The following CCDC7 variants were observed in gnomAD, a reference collection of about 807,000 sequenced individuals.
The protein encoded by CCDC7 is coiled-coil domain-containing protein 7.
Under a neutral mutation model 196.9 loss-of-function variants are expected in CCDC7, and 183 were observed. The observed-to-expected ratio is 0.93, with a 90% confidence interval of 0.82 to 1.05. The LOEUF (loss-of-function observed/expected upper bound fraction) is 1.05, where lower values mean the gene tolerates loss of function less well. Ranked by LOEUF, CCDC7 falls within the 50% of genes least tolerant of loss-of-function variation. The pLI, the probability that CCDC7 is intolerant of heterozygous loss-of-function variation, is 0.00. For missense variants in CCDC7, 1,540 were observed against 1,482.2 expected, an observed-to-expected ratio of 1.04 and a Z score of -0.64; for synonymous variants, 525 against 484.6, an observed-to-expected ratio of 1.08 and a Z score of -1.10.
intron 2 of CCDC7, 64 bp downstream of exon 3, chr10:32,453,500 A>C (rs2033620540): frequency 9.0e-7 from 1 of 1,109,822 alleles, no homozygotes; most frequent in Admixed American, 3.2e-5. Flanking sequence ...TCTTTTTAAA[A>C]ATATAAATTT....
chr10:32,726,338 A>T (rs1251208829), intron 25 of CCDC7, among the ~76,000 whole-genome samples: 1 of 151,952 alleles, frequency 6.6e-6, no homozygotes, highest in East Asian at 1.9e-4. Context: ...TTATTGAGCC[A>T]ATATATTATA....
At chr10:32,727,816 T>C (rs544774158) in intron 26 of CCDC7, among the ~76,000 whole-genome samples, 3 of 152,298 alleles carry the variant, frequency 2.0e-5, no homozygotes, top group African/African-American at 7.2e-5. Context: ...CCTGCCCTTA[T>C]GCATAAGTTT....
chr10:32,451,578 A>AT (rs1409898061), upstream of CCDC7: 29 of 1,513,338 alleles, frequency 1.9e-5, no homozygotes, highest in Middle Eastern at 4.3e-4. Flanking sequence ...TGAATCTCTT[A>AT]TTTTTTTTCA....
intron 8 of CCDC7, 73 bp downstream of exon 9, chr10:32,474,096 A>G: frequency 2.7e-6 from 4 of 1,491,252 alleles, no homozygotes; most frequent in Non-Finnish European, 3.6e-6. Context: ...AGTAATAATT[A>G]TTAGGTTAAC....
At chr10:32,621,891 T>C (rs183718732) in intron 18 of CCDC7, among the ~76,000 whole-genome samples, 40 of 152,338 alleles carry the variant, frequency 2.6e-4, no homozygotes, top group Non-Finnish European at 1.0e-4. Context: ...GCTTATATTT[T>C]CTAGAAACAC....
intron 29 of CCDC7, among the ~76,000 whole-genome samples, chr10:32,797,576 T>TCTGGTG (rs2083868536): frequency 6.6e-6 from 1 of 151,922 alleles, no homozygotes; most frequent in African/African-American, 2.4e-5. Flanking sequence ...ATACTGCTCG[T>TCTGGTG]CTGATGGGCG....
rs1280003220 is a variant in CCDC7 at position 32,584,172 on chromosome 10, CTT to C, written c.1729-59_1729-58del. 5.4e-5 allele frequency: 44 copies of C among 809,632 alleles called. 1 individual carries two copies. The South Asian group carries it at 1.6e-3, about 29-fold the overall frequency. 50.2% of individuals were successfully genotyped at this position (809,632 alleles called of 1,614,324 possible). On this transcript the variant is annotated intron_variant, in intron 17 of 41. Coordinates refer to ENST00000639629, the Ensembl canonical transcript of CCDC7. ...TCAAAGCAGGTAATTAAATACCAGT[CTT>C]GATATATATATATATGTATATAATT... is the stretch of plus-strand genomic sequence containing the variant.
At chr10:32,597,377 A>T (rs888373788) in intron 18 of CCDC7, among the ~76,000 whole-genome samples, 1 of 152,166 alleles carries the variant, frequency 6.6e-6, no homozygotes, top group African/African-American at 2.4e-5. Flanking sequence ...CCATCAAGTC[A>T]TTTAAGGACT....
chr10:32,827,588 G>A (rs1392895540), intron 32 of CCDC7, among the ~76,000 whole-genome samples: 1 of 140,110 alleles, frequency 7.1e-6, no homozygotes, highest in Non-Finnish European at 1.5e-5. Flanking sequence ...GATGGGAGTT[G>A]AACAATGAGA....
chr10:32,648,727 C>G (rs2068197208), intron 20 of CCDC7, among the ~76,000 whole-genome samples: 1 of 152,100 alleles, frequency 6.6e-6, no homozygotes, highest in South Asian at 2.1e-4. Context: ...GAGATGGTAT[C>G]TCATTTTGGT....
At chr10:32,686,002 G>T in exon 22 of CCDC7, 1 of 1,587,884 alleles carries the variant, frequency 6.3e-7, no homozygotes, top group South Asian at 1.2e-5. Flanking sequence ...AAGGCTTGTA[G>T]TTGAGCATCA....
At chr10:32,766,860 C>T (rs1381570487) in intron 28 of CCDC7, among the ~76,000 whole-genome samples, 1 of 152,104 alleles carries the variant, frequency 6.6e-6, no homozygotes, top group Non-Finnish European at 1.5e-5. Context: ...CCAGCCTACT[C>T]TCTTCAGTAC....
At chr10:32,788,819 G>T (rs1322053633) in intron 29 of CCDC7, among the ~76,000 whole-genome samples, 1 of 152,228 alleles carries the variant, frequency 6.6e-6, no homozygotes, top group African/African-American at 2.4e-5. Context: ...ATTCAGGTCT[G>T]CCCCTGTGGG....
intron 21 of CCDC7, among the ~76,000 whole-genome samples, chr10:32,685,391 C>G (rs1450317136): frequency 6.6e-6 from 1 of 152,018 alleles, no homozygotes; most frequent in Non-Finnish European, 1.5e-5. Context: ...TGTTGTCATT[C>G]TGGTCTGTTT....
At chr10:32,656,881 C>T (rs1391533679) in intron 20 of CCDC7, among the ~76,000 whole-genome samples, 1 of 152,226 alleles carries the variant, frequency 6.6e-6, no homozygotes, top group Non-Finnish European at 1.5e-5. Context: ...CAAAGGCTTA[C>T]TTTCCAGATA....
intron 28 of CCDC7, among the ~76,000 whole-genome samples, chr10:32,763,462 C>T (rs2077768745): frequency 6.6e-6 from 1 of 151,762 alleles, no homozygotes; most frequent in Non-Finnish European, 1.5e-5. Context: ...ACCATATAAC[C>T]CAGCAATTCC....
chr10:32,646,790 G>A (rs1405227979), intron 20 of CCDC7, among the ~76,000 whole-genome samples: 4 of 152,116 alleles, frequency 2.6e-5, no homozygotes, highest in Admixed American at 2.0e-4. Context: ...ATATCCACAT[G>A]TGGTCAATAC....
chr10:32,554,511 T>A (rs2054038636), intron 13 of CCDC7, among the ~76,000 whole-genome samples: 1 of 151,972 alleles, frequency 6.6e-6, no homozygotes, highest in Non-Finnish European at 1.5e-5. Context: ...CTTCTACTCT[T>A]ATATTTCACT....
chr10:32,650,085 G>T (rs1422786772), intron 20 of CCDC7, among the ~76,000 whole-genome samples: 1 of 152,130 alleles, frequency 6.6e-6, no homozygotes, highest in African/African-American at 2.4e-5. Context: ...GCGACATTCT[G>T]GCTTTTTGAA....
Sources: allele counts gnomAD v4.1 joint callset (sites outside exome capture counted in the v4.1 genomes callset), GRCh38; gene constraint gnomAD v4.1.1; transcripts MANE v1.5; gene names NCBI Gene and HGNC (gene_info 2026-07-23, HGNC 2026-07-21).